LGMN: variants seen among roughly 807,000 people sequenced by gnomAD.
LGMN encodes the protein legumain, also known as asparaginyl endopeptidase.
LGMN carries 36 observed loss-of-function variants against 56.8 expected under a neutral mutation model. That is an observed-to-expected ratio of 0.63 (90% CI 0.49 to 0.84). LGMN has a LOEUF of 0.84. Ranked by LOEUF, LGMN falls within the 40% of genes least tolerant of loss-of-function variation. LGMN has a pLI of 0.00. For missense variants in LGMN, 446 were observed against 556.1 expected (o/e 0.80, Z 1.99); for synonymous variants, 199 against 210.1 (o/e 0.95, Z 0.46).
Position 92,744,418 on chromosome 14 carries a change from A to G in LGMN, c.-30+4071T>C, listed in dbSNP as rs1891722036. ...TTGACTTCCTTCCCCCTCTGTAGAG[A>G]GGCCAGTTTTGTCTTTCATTTGCAA... On this transcript the variant is annotated intron_variant, in intron 1 of 13. Coordinates refer to ENST00000334869, the MANE Select transcript of LGMN (RefSeq NM_005606.7). Among the ~76,000 whole-genome samples the G allele has an allele frequency of 2.0e-5, 3 of 152,162 alleles. No homozygotes were observed. In the South Asian group the frequency reaches 6.2e-4, roughly 31 times the overall value.
At position 92,714,488 on chromosome 14, in the gene LGMN, T is replaced by C. The variant is rs988565684; in HGVS notation, c.405-37A>G. The C allele has an allele frequency of 6.9e-6, 10 of 1,446,142 alleles. No homozygotes were observed. Among genetic ancestry groups the C allele is most frequent in the Non-Finnish European group, 7.7e-6 (8 of 1,037,906 alleles). 89.6% of individuals were successfully genotyped at this position (1,446,142 alleles called of 1,614,324 possible). ...GAATCGGGGGTCAATCATTTCCTTT[T>C]TCTGTTTTTACTTCTATTTCTCTGA... On this transcript the variant is annotated intron_variant, in intron 5 of 13. Coordinates refer to ENST00000334869, the MANE Select transcript of LGMN (RefSeq NM_005606.7). This position sits in a 1 kb window ranked among gnomAD's most constrained non-coding sequence, Gnocchi z 5.1.
chr14:92,706,739 G>T, intron 11 of LGMN, 86 bp from the exon 12 acceptor site: 1 of 1,275,744 alleles, frequency 7.8e-7, no homozygotes. Flanking sequence ...GCATTCAAAG[G>T]CTACTCTCCA....
rs1566924435 is a variant in LGMN, at chr14:92,719,284, GCCGCCGCCGCCGCCGCCA to G, written c.139-458_139-441del. ...CGCCACCGCCGCCGCCGCCACCGCC[GCCGCCGCCGCCGCCGCCA>G]CCGCCGCCACCGCCGCCGCCGCCAC... On this transcript the variant is annotated intron_variant, in intron 2 of 13. Coordinates refer to ENST00000334869, the MANE Select transcript of LGMN (RefSeq NM_005606.7). 6.4e-3 allele frequency among the ~76,000 whole-genome samples: 170 copies of G among 26,760 alleles called. 7 individuals are homozygous for G. The highest frequency in any genetic ancestry group is 0.037 in the African/African-American group (157 of 4,278). 17.6% of individuals were successfully genotyped at this position (26,760 alleles called of 152,430 possible).
At chr14:92,712,731 C>T in intron 8 of LGMN, 74 bp downstream of exon 8, 1 of 1,409,970 alleles carries the variant, frequency 7.1e-7, no homozygotes, top group East Asian at 2.3e-5. Context: ...ACGGAGAATG[C>T]TCAGTTCCAT....
intron 2 of LGMN, among the ~76,000 whole-genome samples, chr14:92,719,785 T>A (rs961509790): frequency 5.9e-5 from 9 of 152,238 alleles, no homozygotes; most frequent in Non-Finnish European, 1.2e-4. Flanking sequence ...TGCGTCCTTA[T>A]CTCAGGTGAA....
Position 92,704,047 on chromosome 14 carries a change from C to T in LGMN, c.*272G>A. 1.4e-6 allele frequency: 1 copy of T among 698,626 alleles called. No homozygotes were observed. Among genetic ancestry groups the T allele is most frequent in the Admixed American group, 2.0e-5 (1 of 49,410 alleles). 43.3% of individuals were successfully genotyped at this position (698,626 alleles called of 1,614,324 possible). A position where few individuals can be genotyped will look rare whatever the true frequency, so the allele number is the denominator to read the frequency against. ...TGAGCTTCCTGCTCCTCAAAACTAA[C>T]AGGCAAAACAACAAACCTCCTAGAA... On this transcript the variant is annotated 3_prime_UTR_variant, in exon 14 of 14. Transcript: ENST00000334869.
At chr14:92,704,772 G>A (rs1251241696) in intron 12 of LGMN, 65 bp from the exon 13 acceptor site, 3 of 1,329,822 alleles carry the variant, frequency 2.3e-6, no homozygotes, top group Non-Finnish European at 2.2e-6. Flanking sequence ...CTCCACTTTT[G>A]CAATTGCAGA....
intron 12 of LGMN, among the ~76,000 whole-genome samples, chr14:92,705,373 G>GTGCCTGTAA: frequency 6.6e-6 from 1 of 152,032 alleles, no homozygotes; most frequent in East Asian, 2.0e-4. Context: ...GTGGTGGCGC[G>GTGCCTGTAA]TGCCTGTAAT....
intron 1 of LGMN, among the ~76,000 whole-genome samples, chr14:92,744,499 C>A (rs977330241): frequency 2.6e-5 from 4 of 151,996 alleles, no homozygotes; most frequent in Non-Finnish European, 5.9e-5. Flanking sequence ...TCTCCAATAC[C>A]TCATTAATGA....
At chr14:92,707,718 A>G (rs1385038775) in intron 11 of LGMN, among the ~76,000 whole-genome samples, 3 of 152,256 alleles carry the variant, frequency 2.0e-5, no homozygotes, top group Non-Finnish European at 4.4e-5. Context: ...TTTAAATCTT[A>G]GTTTTAATTT....
intron 2 of LGMN, among the ~76,000 whole-genome samples, chr14:92,728,785 A>AC (rs1310076072): frequency 6.6e-6 from 1 of 152,018 alleles, no homozygotes; most frequent in East Asian, 1.9e-4. Context: ...TCTCAGCTCC[A>AC]CCCCTTACTG....
At chr14:92,707,357 T>G (rs987616698) in intron 11 of LGMN, among the ~76,000 whole-genome samples, 1 of 152,152 alleles carries the variant, frequency 6.6e-6, no homozygotes, top group Non-Finnish European at 1.5e-5. Flanking sequence ...CCACCCACTG[T>G]GTGTTAGACC....
At chr14:92,731,739 A>G (rs1352849992) in intron 2 of LGMN, among the ~76,000 whole-genome samples, 1 of 152,206 alleles carries the variant, frequency 6.6e-6, no homozygotes, top group Non-Finnish European at 1.5e-5. Context: ...GCTCTTATGA[A>G]CAATACTGCT....
At chr14:92,728,614 G>A (rs1287241276) in intron 2 of LGMN, among the ~76,000 whole-genome samples, 2 of 152,176 alleles carry the variant, frequency 1.3e-5, no homozygotes, top group Non-Finnish European at 2.9e-5. Flanking sequence ...TCCTTTGGCT[G>A]TGTAAGTTTT....
intron 1 of LGMN, among the ~76,000 whole-genome samples, chr14:92,738,282 C>CTT (rs1199624185): frequency 4.9e-5 from 7 of 142,088 alleles, no homozygotes; most frequent in East Asian, 2.0e-4. Flanking sequence ...TTTTCTTTTT[C>CTT]TTTTTTTTTT....
At chr14:92,704,464 G>A (rs577863208) in intron 13 of LGMN, 103 bp from the exon 14 acceptor site, 19 of 1,084,866 alleles carry the variant, frequency 1.8e-5, no homozygotes, top group East Asian at 1.2e-4. Flanking sequence ...TGACAGGCCC[G>A]CCCAGCAGCT....
chr14:92,710,943 T>C (rs919059827), intron 10 of LGMN, among the ~76,000 whole-genome samples: 3 of 152,206 alleles, frequency 2.0e-5, no homozygotes, highest in Non-Finnish European at 2.9e-5. Flanking sequence ...TCCAGTTTCT[T>C]CTAGAAGGCC....
rs759135425 is a variant in LGMN at position 92,717,402 on chromosome 14, A to G, written c.296T>C (p.Val99Ala). 43 of 1,611,136 alleles carry G rather than the reference A, an allele frequency of 2.7e-5. No homozygotes were observed. Among genetic ancestry groups the G allele is most frequent in the Non-Finnish European group, 3.5e-5 (41 of 1,177,884 alleles). ...CACCTCTCCAGTGTAGTCCTTCGGGACTCCCTGATAGACATCTGTGCCATT... is the reference window on the plus strand; with the variant it reads ...CACCTCTCCAGTGTAGTCCTTCGGGGCTCCCTGATAGACATCTGTGCCATT... ...RPNGTDVYQG[V>A]PKDYTGEDVT... The change falls in exon 4 of 14, where the codon GTC becomes GCC. Residue 99 changes from valine to alanine, a missense_variant. Physicochemically the swap from Val to Ala is moderately conservative, Grantham distance 64. Coordinates refer to ENST00000334869, the MANE Select transcript of LGMN (RefSeq NM_005606.7).
chr14:92,729,069 G>A (rs1443941900), intron 2 of LGMN, among the ~76,000 whole-genome samples: 1 of 151,772 alleles, frequency 6.6e-6, no homozygotes, highest in Non-Finnish European at 1.5e-5. Flanking sequence ...GCAGGAATGA[G>A]CTAGGTACCA....
Sources: gnomAD v4.1 joint callset for allele counts (sites outside exome capture counted in the v4.1 genomes callset) on GRCh38, gnomAD v4.1.1 for gene constraint, Gnocchi (gnomAD v3.1) non-coding constraint, MANE v1.5 for transcripts, NCBI Gene and HGNC (gene_info 2026-07-23, HGNC 2026-07-21) for gene names.